DCAF6: variants seen among roughly 807,000 people sequenced by gnomAD.
DCAF6 encodes the protein DDB1- and CUL4-associated factor 6.
In DCAF6, 54 loss-of-function variants were observed where a neutral mutation model predicts 125.1. The ratio of observed to expected loss-of-function variants is 0.43; its 90% CI spans 0.35 to 0.54. The LOEUF (loss-of-function observed/expected upper bound fraction) is 0.54, where lower values mean the gene tolerates loss of function less well. Ranked by LOEUF, DCAF6 falls within the 20% of genes least tolerant of loss-of-function variation. The pLI, the probability that DCAF6 is intolerant of heterozygous loss-of-function variation, is 0.01. For missense variants in DCAF6, 934 were observed against 1,161.7 expected, an observed-to-expected ratio of 0.80 and a Z score of 2.85; for synonymous variants, 371 against 390.4, an observed-to-expected ratio of 0.95 and a Z score of 0.58.
the DCAF6 span, among the ~76,000 whole-genome samples, chr1:167,907,267 A>G: frequency 6.6e-6 from 1 of 152,262 alleles, no homozygotes; most frequent in Non-Finnish European, 1.5e-5. Context: ...ACAGACCAGT[A>G]AACATAATGT....
In DCAF6 at chr1:167,938,748, A is replaced by G. The variant is rs574325461; in HGVS notation, c.97+1740A>G. On this transcript the variant is annotated intron_variant, in intron 1 of 21. Transcript: ENST00000367840. ...AGTTTAAGTACTTGTATATAGTTCT[A>G]TATTTTAGTGTTTTCTTTTGGTTCA... is the stretch of plus-strand genomic sequence containing the variant. Among the ~76,000 whole-genome samples the G allele has an allele frequency of 2.6e-5, 4 of 152,306 alleles. No homozygotes were observed. In the East Asian group the frequency reaches 5.8e-4, roughly 22 times the overall value.
At chr1:167,986,636 T>C (rs1214784432) in intron 4 of DCAF6, among the ~76,000 whole-genome samples, 1 of 152,122 alleles carries the variant, frequency 6.6e-6, no homozygotes, top group Admixed American at 6.5e-5. Context: ...GCACAACCTG[T>C]GAGAAACAGT....
intron 7 of DCAF6, among the ~76,000 whole-genome samples, chr1:167,994,768 T>C (rs951734475): frequency 2.6e-5 from 4 of 152,324 alleles, no homozygotes; most frequent in South Asian, 2.1e-4. Context: ...TCCTGTGTTA[T>C]TCACTTTGAA....
chr1:167,864,402 C>T, the DCAF6 span, among the ~76,000 whole-genome samples: 1 of 152,106 alleles, frequency 6.6e-6, no homozygotes. Context: ...GTGGGTTGGC[C>T]ATCAGAAGGA....
chr1:167,983,290 C>T (rs889494326), intron 4 of DCAF6, among the ~76,000 whole-genome samples: 5 of 152,106 alleles, frequency 3.3e-5, no homozygotes, highest in African/African-American at 9.7e-5. Context: ...TCTTCCAATC[C>T]GTGAGCATGA....
chr1:168,072,504 GGT>G (rs1489559799), intron 21 of DCAF6, among the ~76,000 whole-genome samples: 1 of 151,954 alleles, frequency 6.6e-6, no homozygotes, highest in Non-Finnish European at 1.5e-5. Flanking sequence ...AAATACAGGT[GGT>G]ACCTTGTTTG....
At chr1:168,048,359 A>G (rs1689400451) in intron 16 of DCAF6, among the ~76,000 whole-genome samples, 1 of 152,354 alleles carries the variant, frequency 6.6e-6, no homozygotes, top group African/African-American at 2.4e-5. Flanking sequence ...TGTACTTTAT[A>G]TGAAGAACTA....
chr1:167,944,986 C>T (rs1200876288), intron 1 of DCAF6, among the ~76,000 whole-genome samples: 1 of 152,148 alleles, frequency 6.6e-6, no homozygotes, highest in Non-Finnish European at 1.5e-5. Context: ...GTTTCGTTTC[C>T]ACAGTGTATG....
the DCAF6 span, among the ~76,000 whole-genome samples, chr1:167,912,537 A>T: frequency 6.6e-6 from 1 of 152,216 alleles, no homozygotes; most frequent in African/African-American, 2.4e-5. Context: ...CAATCCCCTG[A>T]ACCCTATGCA....
intron 2 of DCAF6, among the ~76,000 whole-genome samples, chr1:167,964,691 T>C (rs765000263): frequency 6.6e-6 from 1 of 152,234 alleles, no homozygotes; most frequent in Non-Finnish European, 1.5e-5. Context: ...CCTTTTGTAG[T>C]TGTCCCACAT....
chr1:167,871,653 A>G, the DCAF6 span, among the ~76,000 whole-genome samples: 1 of 152,240 alleles, frequency 6.6e-6, no homozygotes, highest in South Asian at 2.1e-4. Context: ...TTATTCACTG[A>G]TAGAACAAAT....
chr1:167,937,467 A>AG (rs1207165237), intron 1 of DCAF6, among the ~76,000 whole-genome samples: 2 of 152,146 alleles, frequency 1.3e-5, no homozygotes, highest in African/African-American at 4.8e-5. Flanking sequence ...GACCACCCTC[A>AG]GGGACTTCAC....
intron 20 of DCAF6, among the ~76,000 whole-genome samples, chr1:168,067,630 G>C (rs532506637): frequency 6.6e-6 from 1 of 152,284 alleles, no homozygotes; most frequent in Non-Finnish European, 1.5e-5. Flanking sequence ...CAAACTAAAC[G>C]GTTAGGTGAG....
Position 168,065,681 on chromosome 1 carries a change from A to C in DCAF6, c.2531A>C (p.His844Pro). ...ATCTGGGATCGGCACACTGCTGAGC[A>C]TTTGATGCTTCTGGAAGCTGATAAT... ...IFIWDRHTAEHLMLLEADNHV... is the reference protein window; with the variant it reads ...IFIWDRHTAEPLMLLEADNHV... The change falls in exon 19 of 22, where the codon CAT (histidine) becomes CCT (proline). Residue 844 changes from histidine (H) to proline (P), a missense_variant. His to Pro is a moderately conservative substitution (Grantham distance 77). This residue lies in a region of DCAF6 where 559 missense variants were observed against 635.5 expected (regional missense o/e 0.88). Coordinates refer to ENST00000367840, the MANE Select transcript of DCAF6 (RefSeq NM_001198956.2). The C allele has an allele frequency of 6.2e-7, 1 of 1,613,240 alleles. No individual in the cohort carries two copies. The highest frequency in any genetic ancestry group is 8.5e-7 in the Non-Finnish European group (1 of 1,179,454).
chr1:168,000,008 A>T (rs1020458866), intron 7 of DCAF6, among the ~76,000 whole-genome samples: 3 of 152,030 alleles, frequency 2.0e-5, no homozygotes, highest in Non-Finnish European at 4.4e-5. Context: ...AATCGTTTCT[A>T]GCTTTTGATT....
At chr1:167,880,519 C>T in the DCAF6 span, 1 of 1,613,952 alleles carries the variant, frequency 6.2e-7, no homozygotes, top group Non-Finnish European at 8.5e-7. Context: ...GAGCAGAAGT[C>T]AAATATATCC....
chr1:168,069,065 T>TTAA (rs556789640), intron 21 of DCAF6, among the ~76,000 whole-genome samples: 12 of 152,166 alleles, frequency 7.9e-5, no homozygotes, highest in Non-Finnish European at 1.6e-4. Flanking sequence ...TAGCTATCAT[T>TTAA]TAATAATAAT....
intron 13 of DCAF6, among the ~76,000 whole-genome samples, chr1:168,042,455 G>A (rs1338320677): frequency 6.6e-6 from 1 of 151,926 alleles, no homozygotes; most frequent in Non-Finnish European, 1.5e-5. Context: ...CATCAGGTGA[G>A]TATTAAAACT....
the DCAF6 span, chr1:167,918,248 A>G: frequency 2.0e-5 from 25 of 1,229,352 alleles, no homozygotes; most frequent in East Asian, 4.3e-4. Context: ...GCTTTGCTTT[A>G]TCAATAACCA....
Sources: allele counts gnomAD v4.1 joint callset (sites outside exome capture counted in the v4.1 genomes callset), GRCh38; gene constraint gnomAD v4.1.1; regional missense constraint gnomAD v4.1.1; transcripts MANE v1.5; gene names NCBI Gene and HGNC (gene_info 2026-07-23, HGNC 2026-07-21).